Variants in DNM3 observed in about 807,000 individuals in gnomAD.
DNM3 encodes dynamin 3.
DNM3 carries 47 observed loss-of-function variants against 101.6 expected under a neutral mutation model. The observed-to-expected ratio is 0.46, with a 90% CI of 0.37 to 0.59. DNM3 has a LOEUF of 0.59. Among genes scored for constraint, DNM3 ranks in the 20% least tolerant of loss-of-function variants. The pLI, the probability that DNM3 is intolerant of heterozygous loss-of-function variation, is 0.00. For synonymous variants in DNM3, 385 were observed against 387.9 expected (o/e 0.99, Z 0.09); for missense variants, 849 against 1,085.7 (o/e 0.78, Z 3.06).
In DNM3 at chr1:171,883,404, CACACACACACCCT is replaced by C. The variant is rs756262637; in HGVS notation, c.162-38343_162-38331del. Among the ~76,000 whole-genome samples the C allele has an allele frequency of 1.4e-3, 179 of 126,846 alleles. 4 individuals are homozygous for C. The highest frequency in any genetic ancestry group is 4.6e-3 in the East Asian group (21 of 4,582). 83.2% of individuals were successfully genotyped at this position (126,846 alleles called of 152,430 possible). On this transcript the variant is annotated intron_variant, in intron 1 of 20. Coordinates refer to ENST00000627582, the MANE Select transcript of DNM3 (RefSeq NM_015569.5). ...ACACACACACACACACACACACACA[CACACACACACCCT>C]GTCAGAATGAATACCATCAATCTAT...
At chr1:172,190,426 G>A (rs1222454229) in intron 14 of DNM3, among the ~76,000 whole-genome samples, 5 of 152,082 alleles carry the variant, frequency 3.3e-5, no homozygotes, top group African/African-American at 4.8e-5. Context: ...TGGACATTTG[G>A]GTTGGTTCCA....
intron 17 of DNM3, among the ~76,000 whole-genome samples, chr1:172,352,789 G>A (rs759764878): frequency 6.6e-6 from 1 of 152,130 alleles, no homozygotes; most frequent in Non-Finnish European, 1.5e-5. Flanking sequence ...ATATATTAAT[G>A]TCTGCTCTCT....
At chr1:172,375,042 T>A (rs942159720) in intron 17 of DNM3, among the ~76,000 whole-genome samples, 4 of 152,076 alleles carry the variant, frequency 2.6e-5, no homozygotes, top group African/African-American at 9.6e-5. Context: ...GGAAGTAGAA[T>A]TCCTAAAATA....
At chr1:172,344,671 C>T (rs2066850299) in intron 17 of DNM3, among the ~76,000 whole-genome samples, 2 of 152,192 alleles carry the variant, frequency 1.3e-5, no homozygotes, top group Admixed American at 1.3e-4. Flanking sequence ...ACTGATGGCG[C>T]CAGCGGCTGA....
chr1:172,013,916 C>G (rs893992438), intron 4 of DNM3, among the ~76,000 whole-genome samples: 1 of 152,012 alleles, frequency 6.6e-6, no homozygotes, highest in African/African-American at 2.4e-5. Flanking sequence ...AATTAATACA[C>G]TTTATTATTT....
At chr1:172,053,159 T>G (rs2050325983) in intron 10 of DNM3, among the ~76,000 whole-genome samples, 1 of 152,186 alleles carries the variant, frequency 6.6e-6, no homozygotes. Context: ...GTTCCCTGTC[T>G]GATCTCTGAA....
intron 2 of DNM3, among the ~76,000 whole-genome samples, chr1:171,950,481 A>AT (rs1482486755): frequency 2.0e-5 from 3 of 152,182 alleles, no homozygotes; most frequent in South Asian, 2.1e-4. Context: ...TTCTGAGTGC[A>AT]TTTATAGTAG....
intron 14 of DNM3, among the ~76,000 whole-genome samples, chr1:172,234,095 C>A (rs1366695042): frequency 3.3e-5 from 5 of 152,124 alleles, no homozygotes; most frequent in Non-Finnish European, 7.4e-5. Flanking sequence ...AAGAGGAAGT[C>A]AAATTGTCCC....
At chr1:172,318,802 G>A (rs540281757) in intron 16 of DNM3, among the ~76,000 whole-genome samples, 1 of 152,232 alleles carries the variant, frequency 6.6e-6, no homozygotes, top group Non-Finnish European at 1.5e-5. Context: ...CATGAAAATG[G>A]CCATACTGCC....
At chr1:172,153,288 T>C (rs2058208474) in intron 14 of DNM3, among the ~76,000 whole-genome samples, 1 of 152,176 alleles carries the variant, frequency 6.6e-6, no homozygotes, top group Non-Finnish European at 1.5e-5. Context: ...GGCAACAGTT[T>C]GGAGGATTGC....
intron 2 of DNM3, among the ~76,000 whole-genome samples, chr1:171,949,193 T>C (rs2042349249): frequency 6.6e-6 from 1 of 152,168 alleles, no homozygotes; most frequent in East Asian, 1.9e-4. Flanking sequence ...AACATATTAC[T>C]CCACCAATAC....
intron 13 of DNM3, among the ~76,000 whole-genome samples, chr1:172,123,084 ACT>A (rs1278845649): frequency 6.6e-6 from 1 of 152,144 alleles, no homozygotes; most frequent in Non-Finnish European, 1.5e-5. Flanking sequence ...TACTTAGGAA[ACT>A]CTCATTTCCT....
chr1:171,989,143 C>G lies in DNM3; in HGVS notation c.584C>G (p.Pro195Arg). Residue 195 changes from proline (P) to arginine (R), a missense_variant, in exon 4 of 21, where the codon CCT (proline) becomes CGT (arginine). Physicochemically the swap from Pro to Arg is moderately radical, Grantham distance 103. Around this residue, in one of 5 missense-constraint regions of DNM3, gnomAD observed 388 missense variants for 483.0 expected, o/e 0.80. Coordinates refer to ENST00000627582, the MANE Select transcript of DNM3 (RefSeq NM_015569.5). ...DALKLAKEVD[P>R]QGLRTIGVIT... is the part of the protein sequence containing the mutation. Reference sequence around the variant, plus strand: ...CTGAAGCTAGCTAAAGAAGTTGATCCTCAAGGTGAGTGTGTGACTACTAAG... The same window carrying G: ...CTGAAGCTAGCTAAAGAAGTTGATCGTCAAGGTGAGTGTGTGACTACTAAG... 1 of 1,612,512 alleles carries G rather than the reference C, an allele frequency of 6.2e-7. No homozygotes were observed. The highest frequency in any genetic ancestry group is 8.5e-7 in the Non-Finnish European group (1 of 1,179,140).
chr1:171,934,675 G>T (rs1428923368), intron 2 of DNM3, among the ~76,000 whole-genome samples: 2 of 152,166 alleles, frequency 1.3e-5, no homozygotes. Context: ...ACCTGGGGAT[G>T]TGGTGGCACC....
chr1:171,905,625 A>G (rs554679201), intron 1 of DNM3, among the ~76,000 whole-genome samples: 135 of 152,314 alleles, frequency 8.9e-4, no homozygotes, highest in African/African-American at 3.2e-3. Flanking sequence ...TATTTACTTC[A>G]TGTAAGACTA....
At chr1:172,368,065 A>G (rs2068120031) in intron 17 of DNM3, among the ~76,000 whole-genome samples, 1 of 151,834 alleles carries the variant, frequency 6.6e-6, no homozygotes, top group Admixed American at 6.6e-5. Context: ...TGCATAGATC[A>G]CCTAGGCATA....
intron 14 of DNM3, among the ~76,000 whole-genome samples, chr1:172,162,921 C>G (rs1427275051): frequency 6.6e-6 from 1 of 152,052 alleles, no homozygotes; most frequent in Non-Finnish European, 1.5e-5. Context: ...TCCTTTAATA[C>G]AGAAGCATAT....
At chr1:171,917,341 G>T (rs2039796953) in intron 1 of DNM3, among the ~76,000 whole-genome samples, 2 of 152,066 alleles carry the variant, frequency 1.3e-5, no homozygotes, top group South Asian at 4.1e-4. Flanking sequence ...GGCTTCCAAA[G>T]ATCATTCTTT....
At chr1:171,937,479 G>T (rs1418365998) in intron 2 of DNM3, among the ~76,000 whole-genome samples, 1 of 152,076 alleles carries the variant, frequency 6.6e-6, no homozygotes, top group Non-Finnish European at 1.5e-5. Flanking sequence ...AGATACACTG[G>T]GTGGGCTTCT....
Sources: gnomAD v4.1 joint callset for allele counts (sites outside exome capture counted in the v4.1 genomes callset) on GRCh38, gnomAD v4.1.1 for gene constraint, gnomAD v4.1.1 regional missense constraint, MANE v1.5 for transcripts, NCBI Gene and HGNC (gene_info 2026-07-23, HGNC 2026-07-21) for gene names.